LRWD1: variants seen among roughly 807,000 people sequenced by gnomAD.
LRWD1 encodes leucine rich repeats and WD repeat domain containing 1, also known as leucine-rich repeat and WD repeat-containing protein 1.
A neutral mutation model predicts 75.6 loss-of-function variants in LRWD1; 76 were observed. The observed-to-expected ratio is 1.01, with a 90% CI of 0.84 to 1.22. The LOEUF (loss-of-function observed/expected upper bound fraction) is 1.22, where lower values mean the gene tolerates loss of function less well. Among genes scored for constraint, LRWD1 ranks in the 50% most tolerant of loss-of-function variants. The pLI is 0.00. For missense variants in LRWD1, 917 were observed against 862.0 expected (o/e 1.06, Z -0.80); for synonymous variants, 487 against 377.0 (o/e 1.29, Z -3.38).
In LRWD1 at chr7:102,468,548, A is replaced by C; in HGVS notation, c.920-6A>C. On this transcript the variant is annotated splice_region_variant and splice_polypyrimidine_tract_variant and intron_variant, in intron 7 of 14. Transcript: ENST00000292616. ...CTCATCCGACCTCTCAAAACCGGGC[A>C]CTCAGGGGCCACATCCCAGACCGTG... 1 of 1,562,900 alleles carries C rather than the reference A, an allele frequency of 6.4e-7. No homozygotes were observed. The highest frequency in any genetic ancestry group is 8.7e-7 in the Non-Finnish European group (1 of 1,153,314).
rs1455614971 is a variant in LRWD1 at position 102,468,417 on chromosome 7, A to G, written c.919+40A>G. The stretch of plus-strand genomic sequence containing the variant: ...GCAGGCGGGGCAAGGGCCGCTGGAA[A>G]TAGGGCCGCCTGGATGGGTGGGGGA... On this transcript the variant is annotated intron_variant, in intron 7 of 14. Transcript: ENST00000292616. 2.6e-6 allele frequency: 4 copies of G among 1,560,234 alleles called. No individual in the cohort carries two copies. In the African/African-American group the frequency reaches 4.0e-5, roughly 16 times the overall value.
intron 4 of LRWD1, 25 bp downstream of exon 4, chr7:102,467,504 G>A: frequency 6.2e-7 from 1 of 1,608,836 alleles, no homozygotes; most frequent in Non-Finnish European, 8.5e-7. Flanking sequence ...CAATGTGCAG[G>A]GAGTCACTGG....
At chr7:102,465,344 C>T (rs894055787) in intron 1 of LRWD1, among the ~76,000 whole-genome samples, 184 bp downstream of exon 1, 2 of 152,318 alleles carry the variant, frequency 1.3e-5, no homozygotes, top group Admixed American at 1.3e-4. Flanking sequence ...CGAGGGGCCT[C>T]ATCCCCTGAA....
chr7:102,472,845 G>C, intron 14 of LRWD1, 41 bp downstream of exon 14: 1 of 1,611,676 alleles, frequency 6.2e-7, no homozygotes, highest in African/African-American at 1.3e-5. Flanking sequence ...GGCTGGCAAG[G>C]CATCAGGGGC....
rs376598844 is a variant in LRWD1, at chr7:102,468,209, C to T, written c.804+22C>T. Reference sequence around the variant, plus strand: ...CCAGGTGAGCTGAGGTGGCAAGGAGCAGGTGGCAGATGAGTCGGGGCTGGG... The same window carrying T: ...CCAGGTGAGCTGAGGTGGCAAGGAGTAGGTGGCAGATGAGTCGGGGCTGGG... On this transcript the variant is annotated intron_variant, in intron 6 of 14. Coordinates refer to ENST00000292616, the MANE Select transcript of LRWD1 (RefSeq NM_152892.3). 2.7e-5 allele frequency: 44 copies of T among 1,604,268 alleles called. No homozygotes were observed. The African/African-American group carries it at 5.2e-4, about 19-fold the overall frequency.
chr7:102,469,469 C>T (rs941921517), intron 9 of LRWD1, 105 bp from the exon 10 acceptor site: 32 of 1,334,894 alleles, frequency 2.4e-5, no homozygotes, highest in African/African-American at 8.7e-5. Context: ...CTCCCCGCCT[C>T]GGAGGGGCTG....
chr7:102,467,275 A>G, intron 3 of LRWD1, 64 bp from the exon 4 acceptor site: 4 of 1,534,616 alleles, frequency 2.6e-6, no homozygotes, highest in Non-Finnish European at 3.5e-6. Flanking sequence ...ATTCCCTGAG[A>G]TGGAGGGCTG....
At chr7:102,469,103 C>G in intron 9 of LRWD1, 41 bp downstream of exon 9, 1 of 1,513,570 alleles carries the variant, frequency 6.6e-7, no homozygotes. Context: ...CCAAGCACCC[C>G]TGTCCTGCTG....
At chr7:102,470,123 G>C (rs1408816762) in intron 11 of LRWD1, 1 of 515,036 alleles carries the variant, frequency 1.9e-6, no homozygotes, top group Non-Finnish European at 3.4e-6. Context: ...TTCACCTGGG[G>C]CTTCAGCACC....
intron 9 of LRWD1, 115 bp downstream of exon 9, chr7:102,469,177 A>T: frequency 1.1e-6 from 1 of 887,456 alleles, no homozygotes; most frequent in Non-Finnish European, 1.7e-6. Flanking sequence ...GCCGGGCCCC[A>T]GTCTGCACCG....
At position 102,467,377 on chromosome 7, in the gene LRWD1, T is replaced by C. The variant is rs1563654448; in HGVS notation, c.471T>C (p.Gly157=). Residue 157 remains glycine, a synonymous_variant, in exon 4 of 15, where the codon GGT becomes GGC. Transcript: ENST00000292616. ...AHWEKFMATL[G]PEEEAEKAQA... is the part of the protein sequence containing the mutation. The stretch of plus-strand genomic sequence containing the variant: ...GGGAGAAGTTCATGGCCACACTGGG[T>C]CCTGAAGAGGAGGCTGAGAAGGCCC... The C allele has an allele frequency of 1.2e-6, 2 of 1,613,140 alleles. No individual in the cohort carries two copies. The highest frequency in any genetic ancestry group is 1.7e-6 in the Non-Finnish European group (2 of 1,179,688).
Position 102,472,789 on chromosome 7 carries a change from GCAGGCCCCCACA to G in LRWD1, c.1793_1803+1del. On this transcript the variant is annotated inframe_deletion, in exon 14 of 15. Transcript: ENST00000292616. ...AGCCACCCCTGCTGCCGGCAGCCCT[GCAGGCCCCCACA>G]CAGGTACTGCCCGGCTCACCCTGCC... 2 of 1,613,394 alleles carry G rather than the reference GCAGGCCCCCACA, an allele frequency of 1.2e-6. No homozygotes were observed. The highest frequency in any genetic ancestry group is 1.7e-6 in the Non-Finnish European group (2 of 1,179,932).
At chr7:102,470,374 A>C (rs1798149872) in intron 11 of LRWD1, 1 of 154,612 alleles carries the variant, frequency 6.5e-6, no homozygotes, top group Admixed American at 6.5e-5. Context: ...TGGGGCCCCC[A>C]GCCTACTGGG....
chr7:102,469,563 C>G lies in LRWD1; in HGVS notation c.1229-11C>G, dbSNP rs771065185. The G allele has an allele frequency of 1.2e-6, 2 of 1,614,088 alleles. No individual in the cohort carries two copies. The highest frequency in any genetic ancestry group is 3.3e-5 in the Admixed American group (2 of 60,018). ...CAGGGCCACTTCTCCCCTACCCCAC[C>G]CCCTCTTCAGCGGCCTCCTATGACA... On this transcript the variant is annotated splice_polypyrimidine_tract_variant and intron_variant, in intron 9 of 14. Transcript: ENST00000292616.
chr7:102,469,107 CCTG>C, intron 9 of LRWD1, 45 bp downstream of exon 9: 1 of 1,503,040 alleles, frequency 6.7e-7, no homozygotes, highest in South Asian at 1.2e-5. Flanking sequence ...GCACCCCTGT[CCTG>C]CTGCCCCAGT....
At position 102,465,974 on chromosome 7, in the gene LRWD1, C is replaced by A. The variant is rs1199455001; in HGVS notation, c.238C>A (p.Gln80Lys). 11 of 1,613,978 alleles carry A rather than the reference C, an allele frequency of 6.8e-6. No individual in the cohort carries two copies. The highest frequency in any genetic ancestry group is 9.3e-6 in the Non-Finnish European group (11 of 1,180,034). Residue 80 changes from glutamine to lysine, a missense_variant, in exon 2 of 15, where the codon CAG becomes AAG. Physicochemically the swap from Gln to Lys is moderately conservative, Grantham distance 53. Transcript: ENST00000292616. ...GCGTGTCCTCCGCTGCGCCAACAAC[C>A]AGCTGGGGGATGTTACTGCCTTGTG... ...HLRVLRCANN[Q>K]LGDVTALCQF...
Position 102,472,142 on chromosome 7 carries a change from G to A in LRWD1, c.1443-76G>A, listed in dbSNP as rs1015534744. 9.8e-6 allele frequency: 13 copies of A among 1,321,198 alleles called. No individual in the cohort carries two copies. In the East Asian group the frequency reaches 1.0e-4, roughly 10 times the overall value. 81.8% of individuals were successfully genotyped at this position (1,321,198 alleles called of 1,614,324 possible). A position where few individuals can be genotyped will look rare whatever the true frequency, so the allele number is the denominator to read the frequency against. On this transcript the variant is annotated intron_variant, in intron 11 of 14. Transcript: ENST00000292616. ...ACAGGGCAGGGTCCCCAGCAGGTGC[G>A]CTGCAGATGCCTGGGTGAGTGGGCA...
chr7:102,473,153 C>T lies in LRWD1; in HGVS notation c.*104C>T, dbSNP rs1798276689. 2 of 1,295,794 alleles carry T rather than the reference C, an allele frequency of 1.5e-6. No homozygotes were observed. The highest frequency in any genetic ancestry group is 3.0e-5 in the African/African-American group (2 of 67,108). 80.3% of individuals were successfully genotyped at this position (1,295,794 alleles called of 1,614,324 possible). A position where few individuals can be genotyped will look rare whatever the true frequency, so the allele number is the denominator to read the frequency against. On this transcript the variant is annotated 3_prime_UTR_variant, in exon 15 of 15. Coordinates refer to ENST00000292616, the MANE Select transcript of LRWD1 (RefSeq NM_152892.3). ...TTTCAGTGAATATTTTTATTAAACT[C>T]TACTGTGGACAAGAAGCCTGTGGAA... is the stretch of plus-strand genomic sequence containing the variant.
At position 102,465,086 on chromosome 7, in the gene LRWD1, C is replaced by G. The variant is rs1480283312; in HGVS notation, c.6C>G (p.Gly2=). ...GCGGGCTGCGCCTCCTCGCCATGGG[C>G]CCCCTCTCGGCGCGGCTGCTAATGC... is the stretch of plus-strand genomic sequence containing the variant. M[G]PLSARLLMQR... The change falls in exon 1 of 15, where the codon GGC becomes GGG. Residue 2 remains glycine, a synonymous_variant. Transcript: ENST00000292616. 1 of 1,493,448 alleles carries G rather than the reference C, an allele frequency of 6.7e-7. No individual in the cohort carries two copies. The highest frequency in any genetic ancestry group is 1.5e-5 in the African/African-American group (1 of 68,456). 92.5% of individuals were successfully genotyped at this position (1,493,448 alleles called of 1,614,324 possible). A position where few individuals can be genotyped will look rare whatever the true frequency, so the allele number is the denominator to read the frequency against.
Sources: allele counts gnomAD v4.1 joint callset (sites outside exome capture counted in the v4.1 genomes callset), GRCh38; gene constraint gnomAD v4.1.1; transcripts MANE v1.5; gene names NCBI Gene and HGNC (gene_info 2026-07-23, HGNC 2026-07-21).